The following NAALADL2 variants were observed in gnomAD, a reference collection of about 807,000 sequenced individuals.
The protein encoded by NAALADL2 is N-acetylated alpha-linked acidic dipeptidase like 2.
In NAALADL2, 76 loss-of-function variants were observed where a neutral mutation model predicts 87.2. The ratio of observed to expected loss-of-function variants is 0.87; its 90% CI spans 0.72 to 1.05. The LOEUF (loss-of-function observed/expected upper bound fraction) is 1.05, where lower values mean the gene tolerates loss of function less well. NAALADL2 is among the 50% of genes least tolerant of loss of function. The pLI is 0.00. For synonymous variants in NAALADL2, 354 were observed against 331.0 expected (o/e 1.07, Z -0.75); for missense variants, 1,089 against 945.8 (o/e 1.15, Z -1.99).
intron 4 of NAALADL2, among the ~76,000 whole-genome samples, chr3:175,295,251 G>A (rs557523852): frequency 3.3e-5 from 5 of 152,092 alleles, no homozygotes; most frequent in East Asian, 1.9e-4. Context: ...GAGGACTAGC[G>A]TTGACCTTAT....
chr3:175,362,661 T>A (rs1291483778), intron 5 of NAALADL2, among the ~76,000 whole-genome samples: 1 of 148,444 alleles, frequency 6.7e-6, no homozygotes, highest in Non-Finnish European at 1.5e-5. Flanking sequence ...AAGAATCTAT[T>A]TCATATAATG....
At chr3:174,982,741 AT>A (rs1434747593) in intron 1 of NAALADL2, among the ~76,000 whole-genome samples, 1 of 152,180 alleles carries the variant, frequency 6.6e-6, no homozygotes, top group East Asian at 1.9e-4. Context: ...ATGCAAAGCT[AT>A]TGGCAAATGA....
At chr3:175,342,540 A>G (rs1762674992) in intron 5 of NAALADL2, among the ~76,000 whole-genome samples, 2 of 141,618 alleles carry the variant, frequency 1.4e-5, no homozygotes, top group Non-Finnish European at 3.0e-5. Context: ...GTGTATCACT[A>G]TCTCAAATAA....
Position 175,684,904 on chromosome 3 carries a change from A to G in NAALADL2, c.1897-52402A>G, listed in dbSNP as rs1320614928. Among the ~76,000 whole-genome samples, 4 of 152,228 alleles carry G rather than the reference A, an allele frequency of 2.6e-5. No homozygotes were observed. In the East Asian group the frequency reaches 5.8e-4, roughly 22 times the overall value. On this transcript the variant is annotated intron_variant, in intron 11 of 13. Transcript: ENST00000454872. ...TGATTTTATTTATTTCCTGTACTACACTATAGATTTTTGAAAGAGCTTGTA... is the reference window on the plus strand; with the variant it reads ...TGATTTTATTTATTTCCTGTACTACGCTATAGATTTTTGAAAGAGCTTGTA...
At chr3:175,755,700 G>GGAATTATAGGTTGCACCGAAA (rs1233586676) in intron 13 of NAALADL2, among the ~76,000 whole-genome samples, 1 of 150,654 alleles carries the variant, frequency 6.6e-6, no homozygotes, top group African/African-American at 2.5e-5. Context: ...AAAAGCAAAT[G>GGAATTATAGGTTGCACCGAAA]GAATTATAGG....
intron 1 of NAALADL2, among the ~76,000 whole-genome samples, chr3:174,978,047 TC>T (rs911840903): frequency 1.3e-5 from 2 of 152,216 alleles, no homozygotes; most frequent in African/African-American, 4.8e-5. Flanking sequence ...TCTGTGCACC[TC>T]ACAACCAGGA....
intron 13 of NAALADL2, among the ~76,000 whole-genome samples, chr3:175,784,300 C>G (rs1751586501): frequency 1.3e-5 from 2 of 152,202 alleles, no homozygotes; most frequent in African/African-American, 2.4e-5. Flanking sequence ...CCTTGTACCT[C>G]TGATAGAATT....
intron 3 of NAALADL2, among the ~76,000 whole-genome samples, chr3:174,777,838 A>G (rs912770769): frequency 2.0e-5 from 3 of 152,174 alleles, no homozygotes; most frequent in Non-Finnish European, 2.9e-5. Context: ...ACCATCCTCT[A>G]TCTTCATGGT....
intron 5 of NAALADL2, among the ~76,000 whole-genome samples, chr3:175,347,191 A>T (rs1396168374): frequency 6.6e-6 from 1 of 152,176 alleles, no homozygotes; most frequent in Non-Finnish European, 1.5e-5. Context: ...TCAGTTTTCA[A>T]CTGATACTGC....
intron 1 of NAALADL2, among the ~76,000 whole-genome samples, chr3:175,013,450 C>T (rs1337153597): frequency 6.0e-5 from 9 of 149,132 alleles, no homozygotes; most frequent in Non-Finnish European, 1.3e-4. Flanking sequence ...AGGCATGCAC[C>T]ACCACGCCCA....
chr3:175,265,972 G>GGGATA (rs144002176), intron 4 of NAALADL2, among the ~76,000 whole-genome samples: 77,207 of 149,632 alleles, frequency 0.52, 20,014 homozygotes, highest in South Asian at 0.67. Context: ...AAACACTATT[G>GGGATA]GGTTTATAGA....
At chr3:174,947,654 CTTTTA>C (rs1040802216) in intron 1 of NAALADL2, among the ~76,000 whole-genome samples, 1 of 151,666 alleles carries the variant, frequency 6.6e-6, no homozygotes, top group Non-Finnish European at 1.5e-5. Flanking sequence ...TTTAAGAAAT[CTTTTA>C]TTTTTTTTCT....
chr3:175,641,108 G>T (rs755620568), intron 11 of NAALADL2, among the ~76,000 whole-genome samples: 7 of 151,984 alleles, frequency 4.6e-5, no homozygotes, highest in Non-Finnish European at 8.8e-5. Context: ...TCCATTTCTT[G>T]TTTCCTCTTA....
At chr3:175,800,199 G>A (rs993062803) in intron 13 of NAALADL2, among the ~76,000 whole-genome samples, 1 of 152,054 alleles carries the variant, frequency 6.6e-6, no homozygotes, top group African/African-American at 2.4e-5. Context: ...CAGTGCCAGA[G>A]GCAGTTCTAT....
At chr3:175,598,775 C>G (rs948980456) in intron 10 of NAALADL2, among the ~76,000 whole-genome samples, 4 of 152,148 alleles carry the variant, frequency 2.6e-5, no homozygotes, top group African/African-American at 7.2e-5. Context: ...TTTCAGGTTA[C>G]TTAATCCTTC....
At chr3:174,718,696 G>A (rs1369704567) in intron 2 of NAALADL2, among the ~76,000 whole-genome samples, 1 of 152,144 alleles carries the variant, frequency 6.6e-6, no homozygotes, top group East Asian at 1.9e-4. Context: ...TCAGAATTTG[G>A]ATTAGATCCA....
intron 5 of NAALADL2, among the ~76,000 whole-genome samples, chr3:175,392,247 T>A (rs1215334911): frequency 1.3e-5 from 2 of 152,234 alleles, no homozygotes; most frequent in African/African-American, 4.8e-5. Context: ...TTGTGTCTTT[T>A]ATTTTTCCTG....
At chr3:174,961,988 C>CT (rs34133809) in intron 1 of NAALADL2, among the ~76,000 whole-genome samples, 61,405 of 151,590 alleles carry the variant, frequency 0.41, 14,468 homozygotes, top group Non-Finnish European at 0.55. Flanking sequence ...TGGCATGTCA[C>CT]TTCTGATATT....
At chr3:174,911,806 T>C (rs896329311) in intron 1 of NAALADL2, among the ~76,000 whole-genome samples, 1 of 152,122 alleles carries the variant, frequency 6.6e-6, no homozygotes, top group African/African-American at 2.4e-5. Flanking sequence ...ATCTGACAAG[T>C]GCCCTTTACG....
Sources: allele counts gnomAD v4.1 joint callset (sites outside exome capture counted in the v4.1 genomes callset), GRCh38; gene constraint gnomAD v4.1.1; transcripts MANE v1.5; gene names NCBI Gene and HGNC (gene_info 2026-07-23, HGNC 2026-07-21).